TRAP1: variants seen among roughly 807,000 people sequenced by gnomAD.
TRAP1 encodes heat shock protein 75 kDa, mitochondrial.
TRAP1 carries 102 observed loss-of-function variants against 89.1 expected under a neutral mutation model. The ratio of observed to expected loss-of-function variants is 1.15; its 90% CI spans 0.98 to 1.35. TRAP1 has a LOEUF of 1.35. Among genes scored for constraint, TRAP1 ranks in the 40% most tolerant of loss-of-function variants. The pLI, the probability that TRAP1 is intolerant of heterozygous loss-of-function variation, is 0.00. For missense variants in TRAP1, 1,256 were observed against 945.3 expected (o/e 1.33, Z -4.31); for synonymous variants, 508 against 388.0 (o/e 1.31, Z -3.64).
rs1426958649 is a variant in TRAP1 at position 3,676,741 on chromosome 16, C to CT, written c.705-597dup. The CT allele has an allele frequency of 2.0e-5, 3 of 152,424 alleles. 1 individual carries two copies. Among genetic ancestry groups the CT allele is most frequent in the Non-Finnish European group, 4.4e-5 (3 of 68,236 alleles). 9.4% of individuals were successfully genotyped at this position (152,424 alleles called of 1,614,324 possible). A position where few individuals can be genotyped will look rare whatever the true frequency, so the allele number is the denominator to read the frequency against. ...CACGGAGGGAGGACGCCTCGGCTGG[C>CT]TGGAAGCGGCTCACCTGCTAAAAAG... On this transcript the variant is annotated intron_variant, in intron 6 of 17. Transcript: ENST00000246957.
intron 6 of TRAP1, chr16:3,677,059 GA>G (rs80038367): frequency 0.041 from 3,611 of 87,374 alleles, 19 homozygotes; most frequent in South Asian, 0.07. Flanking sequence ...CGTCCCAAAG[GA>G]AAAAAAAAAA....
At chr16:3,693,342 T>A (rs2051241658) in intron 1 of TRAP1, among the ~76,000 whole-genome samples, 3 of 151,776 alleles carry the variant, frequency 2.0e-5, no homozygotes, top group Admixed American at 1.3e-4. Flanking sequence ...AAACATCCAG[T>A]TATTTGGGCC....
At position 3,674,454 on chromosome 16, in the gene TRAP1, T is replaced by C. The variant is rs1567230296; in HGVS notation, c.929A>G (p.Gln310Arg). 1 of 1,614,088 alleles carries C rather than the reference T, an allele frequency of 6.2e-7. No homozygotes were observed. Among genetic ancestry groups the C allele is most frequent in the African/African-American group, 1.3e-5 (1 of 75,064 alleles). The part of the protein sequence containing the change: ...MMDPKDVREW[Q>R]HEEFYRYVAQ... The stretch of plus-strand genomic sequence containing the variant: ...GACGTAGCGGTAGAACTCCTCATGT[T>C]GCCACTCACGGACATCCTTGGGGTC... Residue 310 changes from glutamine (Q) to arginine (R), a missense_variant, in exon 9 of 18, where the codon CAA becomes CGA. Gln to Arg is a conservative substitution (Grantham distance 43). Coordinates refer to ENST00000246957, the MANE Select transcript of TRAP1 (RefSeq NM_016292.3).
Position 3,697,765 on chromosome 16 carries a change from GT to G in TRAP1, c.89-6781del, listed in dbSNP as rs1476926905. Among the ~76,000 whole-genome samples, 4 of 150,104 alleles carry G rather than the reference GT, an allele frequency of 2.7e-5. No homozygotes were observed. The South Asian group carries it at 8.4e-4, about 32-fold the overall frequency. The stretch of plus-strand genomic sequence containing the variant: ...ATGTTTCATTTTTCTAGTCTTTTTG[GT>G]TTTTCCCCAATTAATATGCAGAATT... On this transcript the variant is annotated intron_variant, in intron 1 of 17. Coordinates refer to ENST00000246957, the MANE Select transcript of TRAP1 (RefSeq NM_016292.3).
intron 16 of TRAP1, chr16:3,659,557 T>C (rs2042943687): frequency 6.6e-6 from 1 of 152,200 alleles, no homozygotes; most frequent in South Asian, 2.1e-4. Flanking sequence ...AAAAGCATCA[T>C]GTAGTATTTA....
At position 3,658,982 on chromosome 16, in the gene TRAP1, T is replaced by TTAAA. The variant is rs2042899176; in HGVS notation, c.1941-121_1941-118dup. ...GCACAGTAAGACTGTCTGTAGTTTT[T>TTAAA]TAAATAAGGTATGTTAATGATCATT... On this transcript the variant is annotated intron_variant, in intron 16 of 17. Transcript: ENST00000246957. 9 of 986,196 alleles carry TTAAA rather than the reference T, an allele frequency of 9.1e-6. No homozygotes were observed. In the South Asian group the frequency reaches 1.4e-4, roughly 15 times the overall value. The allele number at this position is 986,196 out of a possible 1,614,324, so 61.1% of individuals were successfully genotyped here.
chr16:3,674,083 GTTCT>G (rs1402985969), intron 9 of TRAP1, among the ~76,000 whole-genome samples: 1 of 152,124 alleles, frequency 6.6e-6, no homozygotes, highest in Non-Finnish European at 1.5e-5. Context: ...AGAGGCATCT[GTTCT>G]TTTTTTCTTT....
intron 6 of TRAP1, 41 bp downstream of exon 6, chr16:3,677,457 C>G: frequency 6.2e-7 from 1 of 1,613,794 alleles, no homozygotes; most frequent in Non-Finnish European, 8.5e-7. Context: ...AGGGCTCCAG[C>G]TCAGCTTTGA....
chr16:3,659,208 G>A, intron 16 of TRAP1: 1 of 220,180 alleles, frequency 4.5e-6, no homozygotes, highest in South Asian at 7.4e-5. Flanking sequence ...ACATATTATA[G>A]GGCTCTAGTA....
chr16:3,695,191 A>G (rs1009065005), intron 1 of TRAP1, among the ~76,000 whole-genome samples: 5 of 152,176 alleles, frequency 3.3e-5, no homozygotes, highest in Admixed American at 1.3e-4. Flanking sequence ...ACAGGTACTG[A>G]GAGCTGGGAC....
intron 5 of TRAP1, chr16:3,677,974 C>G (rs987886516): frequency 2.4e-5 from 7 of 294,086 alleles, no homozygotes; most frequent in African/African-American, 1.6e-4. Context: ...CTTGAATAAG[C>G]TCTTTCCCTT....
At chr16:3,663,709 C>G in intron 13 of TRAP1, 147 bp from the exon 14 acceptor site, 1 of 934,562 alleles carries the variant, frequency 1.1e-6, no homozygotes, top group Non-Finnish European at 1.6e-6. Context: ...GCCTGCATGA[C>G]AGTTACTACG....
intron 4 of TRAP1, among the ~76,000 whole-genome samples, chr16:3,683,653 T>A (rs529492163): frequency 9.2e-5 from 14 of 151,848 alleles, no homozygotes; most frequent in South Asian, 2.1e-4. Context: ...CTCAAAGTGC[T>A]GGGATTACAA....
Position 3,664,321 on chromosome 16 carries a change from C to A in TRAP1, c.1522G>T (p.Ala508Ser). The A allele has an allele frequency of 1.2e-6, 2 of 1,612,210 alleles. No homozygotes were observed. Among genetic ancestry groups the A allele is most frequent in the Non-Finnish European group, 1.7e-6 (2 of 1,179,384 alleles). ...GCCTCATAGTAGGGTGAGTGCTCTG[C>A]CAGGTGACGGTTGGGGGCGCACAGG... is the stretch of plus-strand genomic sequence containing the variant. ...YYLCAPNRHL[A>S]EHSPYYEAMK... The change falls in exon 13 of 18, where the codon GCA (alanine) becomes TCA (serine). Residue 508 changes from alanine (A) to serine (S), a missense_variant. By Grantham distance (99) the Ala-to-Ser change is moderately conservative. Coordinates refer to ENST00000246957, the MANE Select transcript of TRAP1 (RefSeq NM_016292.3).
chr16:3,702,068 T>A (rs1436501163), intron 1 of TRAP1, among the ~76,000 whole-genome samples: 1 of 151,998 alleles, frequency 6.6e-6, no homozygotes, highest in Non-Finnish European at 1.5e-5. Flanking sequence ...ATTAGCTGGG[T>A]GTGGTGGCGT....
chr16:3,667,925 ATTTT>A (rs58782531), intron 11 of TRAP1, among the ~76,000 whole-genome samples: 3 of 65,546 alleles, frequency 4.6e-5, no homozygotes, highest in African/African-American at 1.4e-4. Context: ...TACCCGGCTG[ATTTT>A]TTTTTTTTTT....
intron 11 of TRAP1, among the ~76,000 whole-genome samples, chr16:3,670,390 A>AAAAAAAAAAAAAG (rs2050897011): frequency 7.3e-6 from 1 of 136,926 alleles, no homozygotes; most frequent in Non-Finnish European, 1.5e-5. Flanking sequence ...CTCAAAAAAA[A>AAAAAAAAAAAAAG]AAAAAAAAAA....
rs147150007 is a variant in TRAP1, at chr16:3,662,788, G to T, written c.1794+94C>A. The T allele has an allele frequency of 1.6e-3, 1,947 of 1,181,854 alleles. 52 individuals are homozygous for T. In the East Asian group the frequency reaches 0.042, roughly 25 times the overall value. 73.2% of individuals were successfully genotyped at this position (1,181,854 alleles called of 1,614,324 possible). ...CAAGGGCTTCTGCTGCTGCTGGAAG[G>T]ACACCCAACGGGCCAGGTACTGGGA... On this transcript the variant is annotated intron_variant, in intron 15 of 17. Transcript: ENST00000246957.
chr16:3,672,609 CT>C, intron 10 of TRAP1, 90 bp downstream of exon 10: 1 of 1,468,606 alleles, frequency 6.8e-7, no homozygotes, highest in South Asian at 1.4e-5. Context: ...CTGCAGAGGG[CT>C]GCTGAGAATG....
Sources: allele counts gnomAD v4.1 joint callset (sites outside exome capture counted in the v4.1 genomes callset), GRCh38; gene constraint gnomAD v4.1.1; transcripts MANE v1.5; gene names NCBI Gene and HGNC (gene_info 2026-07-23, HGNC 2026-07-21).